Variants in PHF14 observed in about 807,000 individuals in gnomAD.
PHF14 encodes PHD finger protein 14.
PHF14 carries 55 observed loss-of-function variants against 117.9 expected under a neutral mutation model. That is an observed-to-expected ratio of 0.47 (90% CI 0.38 to 0.58). PHF14 has a LOEUF of 0.58. Ranked by LOEUF, PHF14 falls within the 20% of genes least tolerant of loss-of-function variation. The pLI is 0.00. For missense variants in PHF14, 978 were observed against 1,122.2 expected (o/e 0.87, Z 1.84); for synonymous variants, 409 against 368.6 (o/e 1.11, Z -1.26).
At chr7:11,014,042 C>T (rs1783439883) in intron 5 of PHF14, 136 bp downstream of exon 5, 2 of 540,916 alleles carry the variant, frequency 3.7e-6, no homozygotes, top group East Asian at 5.9e-5. Flanking sequence ...AATAAATGAC[C>T]AGTGGGATAC....
At chr7:11,053,953 A>T (rs1295501319) in intron 14 of PHF14, among the ~76,000 whole-genome samples, 1 of 151,868 alleles carries the variant, frequency 6.6e-6, no homozygotes, top group African/African-American at 2.4e-5. Flanking sequence ...AGAGTCCATG[A>T]CCAGTAATTT....
chr7:11,124,639 T>A (rs551720140), intron 17 of PHF14, among the ~76,000 whole-genome samples: 1 of 152,076 alleles, frequency 6.6e-6, no homozygotes, highest in Non-Finnish European at 1.5e-5. Flanking sequence ...GAAATGAGAT[T>A]CAGAGAAGTT....
rs13226617 is a variant in PHF14, at chr7:11,088,414, A to G, written c.2655-22936A>G. 5.0e-3 allele frequency among the ~76,000 whole-genome samples: 635 copies of G among 127,880 alleles called. 10 individuals carry two copies. The highest frequency in any genetic ancestry group is 0.015 in the African/African-American group (531 of 35,688). 83.9% of individuals were successfully genotyped at this position (127,880 alleles called of 152,430 possible). On this transcript the variant is annotated intron_variant, in intron 16 of 17. Transcript: ENST00000634607. ...TTCACATACACACAAACACACACAC[A>G]CACGCACACACACACACAGTCCTAT... is the stretch of plus-strand genomic sequence containing the variant.
At chr7:11,140,208 A>T (rs1419591304) in intron 17 of PHF14, among the ~76,000 whole-genome samples, 1 of 152,094 alleles carries the variant, frequency 6.6e-6, no homozygotes, top group African/African-American at 2.4e-5. Context: ...ACACAGCCCT[A>T]CATAGCCCGT....
At chr7:11,154,040 A>G (rs1267014966) in intron 17 of PHF14, among the ~76,000 whole-genome samples, 1 of 152,106 alleles carries the variant, frequency 6.6e-6, no homozygotes, top group Non-Finnish European at 1.5e-5. Flanking sequence ...ATCCAGAATC[A>G]GTTCATGTCG....
chr7:11,046,389 A>G (rs1375829883), intron 13 of PHF14, among the ~76,000 whole-genome samples: 3 of 152,160 alleles, frequency 2.0e-5, no homozygotes, highest in African/African-American at 7.2e-5. Flanking sequence ...ATATTCTGAA[A>G]CACATTATTT....
intron 13 of PHF14, among the ~76,000 whole-genome samples, chr7:11,051,107 C>A (rs1448973060): frequency 3.3e-5 from 5 of 152,128 alleles, no homozygotes; most frequent in African/African-American, 1.2e-4. Flanking sequence ...GTGTTGAGAT[C>A]ATAGCTCACT....
intron 17 of PHF14, among the ~76,000 whole-genome samples, chr7:11,134,844 C>T (rs763860071): frequency 1.3e-5 from 2 of 152,038 alleles, no homozygotes; most frequent in Non-Finnish European, 2.9e-5. Flanking sequence ...TAGAAGGATA[C>T]ACAATGAATA....
At chr7:11,143,679 A>G (rs901142866) in intron 17 of PHF14, among the ~76,000 whole-genome samples, 1 of 152,104 alleles carries the variant, frequency 6.6e-6, no homozygotes, top group Non-Finnish European at 1.5e-5. Flanking sequence ...ATTATTTAAC[A>G]AATATCTACT....
intron 3 of PHF14, among the ~76,000 whole-genome samples, chr7:10,986,411 T>C (rs1449880830): frequency 2.6e-5 from 4 of 152,204 alleles, no homozygotes; most frequent in African/African-American, 9.7e-5. Context: ...TCATGTAGTG[T>C]CTGGAAAACT....
chr7:11,061,895 C>A, intron 15 of PHF14, 54 bp downstream of exon 15: 1 of 1,515,684 alleles, frequency 6.6e-7, no homozygotes, highest in South Asian at 1.3e-5. Context: ...AATTTTCTTG[C>A]TTAAAATTGT....
intron 16 of PHF14, chr7:11,106,103 G>T: frequency 1.0e-6 from 1 of 984,026 alleles, no homozygotes; most frequent in Non-Finnish European, 1.2e-6. Flanking sequence ...ACCTTATTGT[G>T]TATTTTTATA....
At chr7:11,062,655 AT>A (rs921978799) in intron 16 of PHF14, 175 of 962,380 alleles carry the variant, frequency 1.8e-4, no homozygotes, top group Non-Finnish European at 1.9e-4. Flanking sequence ...TTGGTACTTT[AT>A]TTTTTTTTAA....
intron 16 of PHF14, chr7:11,103,880 G>A (rs1278700878): frequency 1.0e-6 from 1 of 980,792 alleles, no homozygotes; most frequent in Non-Finnish European, 1.2e-6. Flanking sequence ...TAACATTGGA[G>A]GAAAAATATT....
intron 13 of PHF14, among the ~76,000 whole-genome samples, chr7:11,046,537 A>AT (rs1318788127): frequency 6.6e-6 from 1 of 152,044 alleles, no homozygotes; most frequent in African/African-American, 2.4e-5. Context: ...GTTCATTTAC[A>AT]TTTTTTTATT....
At chr7:11,151,674 T>G (rs10228897) in intron 17 of PHF14, among the ~76,000 whole-genome samples, 5,353 of 152,290 alleles carry the variant, frequency 0.035, 193 homozygotes, top group African/African-American at 0.094. Context: ...ACTCTTGAGT[T>G]TGAGCTATCA....
intron 16 of PHF14, among the ~76,000 whole-genome samples, chr7:11,095,254 T>A (rs568593607): frequency 7.9e-5 from 12 of 152,356 alleles, no homozygotes; most frequent in African/African-American, 2.6e-4. Flanking sequence ...TTACTGTTTT[T>A]ATTTACATTT....
At chr7:11,082,785 A>G (rs191511367) in intron 16 of PHF14, among the ~76,000 whole-genome samples, 8 of 152,328 alleles carry the variant, frequency 5.3e-5, no homozygotes, top group Admixed American at 4.6e-4. Context: ...CACACTCAGT[A>G]GAATTTTGGT....
At chr7:10,998,841 A>G (rs1782756500) in intron 4 of PHF14, among the ~76,000 whole-genome samples, 1 of 152,178 alleles carries the variant, frequency 6.6e-6, no homozygotes, top group African/African-American at 2.4e-5. Flanking sequence ...TCTCTGCTTC[A>G]TTATAATGCT....
Sources: allele counts gnomAD v4.1 joint callset (sites outside exome capture counted in the v4.1 genomes callset), GRCh38; gene constraint gnomAD v4.1.1; transcripts MANE v1.5; gene names NCBI Gene and HGNC (gene_info 2026-07-23, HGNC 2026-07-21).